PLPP1: variants seen among roughly 807,000 people sequenced by gnomAD.
PLPP1 encodes phospholipid phosphatase 1.
A neutral mutation model predicts 31.2 loss-of-function variants in PLPP1; 24 were observed. The ratio of observed to expected loss-of-function variants is 0.77; its 90% CI spans 0.56 to 1.08. PLPP1 has a LOEUF of 1.08. PLPP1 is among the 50% of genes least tolerant of loss of function. The pLI is 0.00. For synonymous variants in PLPP1, 146 were observed against 126.3 expected (o/e 1.16, Z -1.05); for missense variants, 319 against 342.7 (o/e 0.93, Z 0.55).
At chr5:55,465,038 G>C (rs758939416) in intron 3 of PLPP1, among the ~76,000 whole-genome samples, 17 of 108,278 alleles carry the variant, frequency 1.6e-4, no homozygotes, top group Non-Finnish European at 2.9e-4. Flanking sequence ...TTTATGTGGG[G>C]CGGAGGTGGT....
intron 1 of PLPP1, among the ~76,000 whole-genome samples, chr5:55,531,089 T>C (rs1740654641): frequency 6.6e-6 from 1 of 152,214 alleles, no homozygotes; most frequent in African/African-American, 2.4e-5. Context: ...ACAGAACCAG[T>C]CATAAAAAGA....
At chr5:55,460,844 T>A (rs571633919) in intron 3 of PLPP1, among the ~76,000 whole-genome samples, 14 of 152,200 alleles carry the variant, frequency 9.2e-5, no homozygotes, top group Middle Eastern at 3.4e-3. Context: ...AGACTCCATC[T>A]CTAATTAATT....
intron 1 of PLPP1, among the ~76,000 whole-genome samples, chr5:55,511,030 T>C (rs904107326): frequency 2.6e-5 from 4 of 152,236 alleles, no homozygotes; most frequent in Admixed American, 6.5e-5. Context: ...CTTATACATA[T>C]ATAAACCTAT....
At chr5:55,472,648 A>G (rs1416979743) in intron 2 of PLPP1, among the ~76,000 whole-genome samples, 1 of 50,132 alleles carries the variant, frequency 2.0e-5, no homozygotes, top group Admixed American at 3.0e-4. Context: ...GAGAGAGAGA[A>G]AGAAAGAAAG....
intron 1 of PLPP1, among the ~76,000 whole-genome samples, chr5:55,479,586 G>C (rs1465842443): frequency 6.6e-6 from 1 of 152,212 alleles, no homozygotes; most frequent in Non-Finnish European, 1.5e-5. Flanking sequence ...AAGAAGCTGA[G>C]AACAAAGCAG....
chr5:55,504,976 A>G (rs910522313), intron 1 of PLPP1, among the ~76,000 whole-genome samples: 1 of 151,872 alleles, frequency 6.6e-6, no homozygotes, highest in African/African-American at 2.4e-5. Context: ...ACACCCGGCT[A>G]ATTTTTGTAT....
At chr5:55,508,985 C>T (rs1430749086) in intron 1 of PLPP1, 2 of 153,634 alleles carry the variant, frequency 1.3e-5, no homozygotes, top group East Asian at 3.8e-4. Context: ...AAAACAACTA[C>T]AATGTGAAAT....
At chr5:55,530,087 T>C in intron 1 of PLPP1, 1 of 793,026 alleles carries the variant, frequency 1.3e-6, no homozygotes, top group Non-Finnish European at 2.2e-6. Context: ...ACTGAAACGG[T>C]GACTTCATGT....
At chr5:55,507,067 G>A (rs1042508993) in intron 1 of PLPP1, among the ~76,000 whole-genome samples, 5 of 152,150 alleles carry the variant, frequency 3.3e-5, no homozygotes, top group African/African-American at 9.7e-5. Context: ...CAAGTTGTGT[G>A]TTATTTCTGA....
At chr5:55,490,260 C>T (rs1752861445) in intron 1 of PLPP1, among the ~76,000 whole-genome samples, 8 of 148,358 alleles carry the variant, frequency 5.4e-5, no homozygotes. Flanking sequence ...AAGCGATTCT[C>T]CTGCCTCGGC....
rs115330416 is a variant in PLPP1 at position 55,518,672 on chromosome 5, T to C, written c.58+15900A>G. 4.6e-3 allele frequency among the ~76,000 whole-genome samples: 703 copies of C among 152,262 alleles called. 5 individuals are homozygous for C. The highest frequency in any genetic ancestry group is 0.016 in the African/African-American group (667 of 41,540). ...CACCCCATTCTTAGCCAGGCTAAGT[T>C]TATAATTGATCTCCCACAAGTCCAC... On this transcript the variant is annotated intron_variant, in intron 1 of 5. Transcript: ENST00000307259.
intron 1 of PLPP1, among the ~76,000 whole-genome samples, chr5:55,513,017 C>A (rs1396105987): frequency 6.6e-6 from 1 of 152,032 alleles, no homozygotes; most frequent in Non-Finnish European, 1.5e-5. Context: ...GAGTTTTGTC[C>A]GGGTATTATT....
At chr5:55,466,159 C>T (rs555687833) in intron 3 of PLPP1, among the ~76,000 whole-genome samples, 1 of 152,152 alleles carries the variant, frequency 6.6e-6, no homozygotes, top group Non-Finnish European at 1.5e-5. Context: ...GACTTTACAC[C>T]CATATCAGTC....
intron 5 of PLPP1, chr5:55,425,591 G>T: frequency 2.3e-6 from 1 of 438,424 alleles, no homozygotes; most frequent in Non-Finnish European, 3.9e-6. Context: ...ATGTGAATTA[G>T]TTTTTTCAAG....
At chr5:55,530,371 G>A in intron 1 of PLPP1, 3 of 1,320,926 alleles carry the variant, frequency 2.3e-6, no homozygotes, top group South Asian at 1.2e-5. Context: ...CTGTTAGAGT[G>A]ATCCAGTAAA....
chr5:55,531,718 A>G (rs758021958), intron 1 of PLPP1, among the ~76,000 whole-genome samples: 4 of 152,240 alleles, frequency 2.6e-5, no homozygotes, highest in Non-Finnish European at 5.9e-5. Context: ...CAAATTTAAT[A>G]TAACAGACTC....
intron 1 of PLPP1, among the ~76,000 whole-genome samples, chr5:55,492,533 T>C (rs1021611553): frequency 1.3e-5 from 2 of 152,034 alleles, no homozygotes; most frequent in Admixed American, 1.3e-4. Flanking sequence ...AAGAGGCAAC[T>C]GAGTTGAAGG....
intron 1 of PLPP1, among the ~76,000 whole-genome samples, chr5:55,526,867 G>A (rs1014943755): frequency 2.1e-5 from 3 of 140,588 alleles, no homozygotes; most frequent in Non-Finnish European, 4.5e-5. Context: ...GGGAGGCGGA[G>A]CTTGCAGTGA....
chr5:55,467,213 T>C (rs1752321174), intron 3 of PLPP1, among the ~76,000 whole-genome samples: 1 of 152,158 alleles, frequency 6.6e-6, no homozygotes, highest in South Asian at 2.1e-4. Context: ...GCTTCATAAA[T>C]AATGGTGGGA....
Sources: allele counts gnomAD v4.1 joint callset (sites outside exome capture counted in the v4.1 genomes callset), GRCh38; gene constraint gnomAD v4.1.1; transcripts MANE v1.5; gene names NCBI Gene and HGNC (gene_info 2026-07-23, HGNC 2026-07-21).